Variants in PCBP2 observed in about 807,000 individuals in gnomAD.
PCBP2 encodes poly(rC)-binding protein 2.
A neutral mutation model predicts 50.1 loss-of-function variants in PCBP2; 4 were observed. The observed-to-expected ratio is 0.08, with a 90% CI of 0.04 to 0.18. The LOEUF is 0.18. PCBP2 is among the 10% of genes least tolerant of loss of function. PCBP2 has a pLI of 1.00. For synonymous variants in PCBP2, 179 were observed against 168.0 expected (o/e 1.07, Z -0.51); for missense variants, 161 against 474.3 (o/e 0.34, Z 6.14).
At chr12:53,472,349 G>T (rs536077776) in intron 14 of PCBP2, among the ~76,000 whole-genome samples, 58 of 152,112 alleles carry the variant, frequency 3.8e-4, no homozygotes, top group Non-Finnish European at 7.6e-4. Context: ...GAATGTTTCG[G>T]AAGTGTGAAG....
chr12:53,454,896 C>CAT (rs1565855379), intron 2 of PCBP2, 27 bp downstream of exon 2: 1 of 1,587,300 alleles, frequency 6.3e-7, no homozygotes. Flanking sequence ...GAAATGGGGT[C>CAT]ATAGTAACTG....
intron 14 of PCBP2, among the ~76,000 whole-genome samples, chr12:53,477,265 T>A (rs1265893254): frequency 6.6e-6 from 1 of 152,162 alleles, no homozygotes. Context: ...GCAGTTCCTT[T>A]CTTAGACCTT....
intron 1 of PCBP2, chr12:53,453,130 G>A (rs190761658): frequency 2.6e-5 from 4 of 152,014 alleles, no homozygotes; most frequent in South Asian, 2.1e-4. Context: ...CAAATTTCTT[G>A]GATTACTTGG....
At chr12:53,467,185 A>G (rs369554178) in intron 10 of PCBP2, 36 bp from the exon 11 acceptor site, 109 of 1,564,370 alleles carry the variant, frequency 7.0e-5, no homozygotes, top group Non-Finnish European at 8.6e-5. Flanking sequence ...GCTCTGTTAA[A>G]TCTTCTAATG....
In PCBP2 at chr12:53,479,912, A is replaced by G. The variant is rs1942945046; in HGVS notation, c.*470A>G. ...CTCAAAGGACCCTTCTTGGGTTTTG[A>G]ATGGAAGCCTTTATTCCGGTTAAGA... On this transcript the variant is annotated 3_prime_UTR_variant, in exon 15 of 15. Transcript: ENST00000546463. 6.6e-6 allele frequency: 1 copy of G among 152,280 alleles called. No homozygotes were observed. Among genetic ancestry groups the G allele is most frequent in the Admixed American group, 6.5e-5 (1 of 15,278 alleles). The allele number at this position is 152,280 out of a possible 1,614,324, so 9.4% of individuals were successfully genotyped here.
At chr12:53,467,727 C>T in intron 11 of PCBP2, 78 bp from the exon 12 acceptor site, 1 of 1,143,662 alleles carries the variant, frequency 8.7e-7, no homozygotes, top group Non-Finnish European at 1.3e-6. Context: ...GTTTTTGGGG[C>T]TTTTCTGTAT....
Position 53,471,775 on chromosome 12 carries a change from C to T in PCBP2, c.1020C>T (p.Ser340=). Residue 340 remains serine, a synonymous_variant, in exon 14 of 15, where the codon AGC becomes AGT. Coordinates refer to ENST00000546463, the MANE Select transcript of PCBP2 (RefSeq NM_031989.5). The part of the protein sequence containing the change: ...RQVTITGSAA[S]ISLAQYLINV... ...TTACCATCACTGGATCTGCTGCCAG[C>T]ATTAGCCTGGCTCAATATCTAATCA... 1 of 1,613,006 alleles carries T rather than the reference C, an allele frequency of 6.2e-7. No individual in the cohort carries two copies. The highest frequency in any genetic ancestry group is 8.5e-7 in the Non-Finnish European group (1 of 1,179,844).
intron 14 of PCBP2, 26 bp downstream of exon 14, chr12:53,471,833 A>G (rs200047649): frequency 1.1e-4 from 174 of 1,597,934 alleles, no homozygotes; most frequent in Non-Finnish European, 1.4e-4. Flanking sequence ...CTTTTGTCTT[A>G]TTTATGCCAA....
At chr12:53,456,606 C>T (rs1023473483) in intron 5 of PCBP2, among the ~76,000 whole-genome samples, 1 of 152,146 alleles carries the variant, frequency 6.6e-6, no homozygotes, top group Non-Finnish European at 1.5e-5. Context: ...TATGGTTTAC[C>T]TGACGTTATA....
intron 1 of PCBP2, among the ~76,000 whole-genome samples, chr12:53,453,909 CAA>C (rs367945345): frequency 1.7e-4 from 26 of 152,212 alleles, no homozygotes; most frequent in African/African-American, 6.3e-4. Context: ...TTCTTAAAAA[CAA>C]AAAATTTTAG....
intron 13 of PCBP2, among the ~76,000 whole-genome samples, chr12:53,471,217 C>A (rs941714645): frequency 1.3e-5 from 2 of 150,966 alleles, no homozygotes; most frequent in East Asian, 1.9e-4. Context: ...GGCTGAGATT[C>A]GAAAATGGCT....
intron 14 of PCBP2, among the ~76,000 whole-genome samples, chr12:53,477,681 AAAAAAAAAAAAAAC>A (rs1407560849): frequency 6.7e-6 from 1 of 150,060 alleles, no homozygotes; most frequent in African/African-American, 2.4e-5. Flanking sequence ...AAAAAAAAAA[AAAAAAAAAAAAAAC>A]CCTAAATATT....
intron 2 of PCBP2, 145 bp downstream of exon 2, chr12:53,455,014 A>G: frequency 2.7e-6 from 2 of 754,108 alleles, no homozygotes; most frequent in Non-Finnish European, 2.3e-6. Flanking sequence ...AAGTGAGTGT[A>G]GTGGGAAAAT....
intron 14 of PCBP2, among the ~76,000 whole-genome samples, chr12:53,477,690 A>AC (rs1288987303): frequency 4.7e-5 from 7 of 149,966 alleles, no homozygotes; most frequent in Admixed American, 6.6e-5. Context: ...AAAAAAAAAA[A>AC]AAAACCCTAA....
chr12:53,468,733 T>C (rs2137082910), intron 12 of PCBP2, 44 bp from the exon 13 acceptor site: 1 of 1,460,938 alleles, frequency 6.8e-7, no homozygotes, highest in Non-Finnish European at 9.6e-7. Flanking sequence ...AGTGAGGTTT[T>C]GAATGCTGTG....
In PCBP2 at chr12:53,455,818, C is replaced by A. The variant is rs1415036863; in HGVS notation, c.127-67C>A. 4.8e-6 allele frequency: 5 copies of A among 1,037,086 alleles called. No individual in the cohort carries two copies. In the African/African-American group the frequency reaches 7.8e-5, roughly 16 times the overall value. The allele number at this position is 1,037,086 out of a possible 1,614,324, so 64.2% of individuals were successfully genotyped here. ...TGTACATTGGCAGTCTTATAAGGGA[C>A]TGTAGATCCTGTACATACTCAGATC... On this transcript the variant is annotated intron_variant, in intron 4 of 14. Coordinates refer to ENST00000546463, the MANE Select transcript of PCBP2 (RefSeq NM_031989.5).
intron 14 of PCBP2, among the ~76,000 whole-genome samples, chr12:53,474,638 T>C (rs564848074): frequency 1.8e-4 from 28 of 152,222 alleles, no homozygotes; most frequent in Non-Finnish European, 4.0e-4. Flanking sequence ...GTCAGCTTTT[T>C]CTTCACCATA....
intron 7 of PCBP2, among the ~76,000 whole-genome samples, chr12:53,461,643 C>T (rs558102318): frequency 1.3e-5 from 2 of 152,206 alleles, no homozygotes; most frequent in East Asian, 1.9e-4. Context: ...TAGCAAAATT[C>T]AGGAAAATTA....
intron 14 of PCBP2, among the ~76,000 whole-genome samples, chr12:53,473,257 G>T (rs1942358486): frequency 6.6e-6 from 1 of 151,736 alleles, no homozygotes. Flanking sequence ...GCTAATTTTT[G>T]TATTTTTAGT....
Sources: allele counts gnomAD v4.1 joint callset (sites outside exome capture counted in the v4.1 genomes callset), GRCh38; gene constraint gnomAD v4.1.1; transcripts MANE v1.5; gene names NCBI Gene and HGNC (gene_info 2026-07-23, HGNC 2026-07-21).